ARHGEF17: variants seen among roughly 807,000 people sequenced by gnomAD.
ARHGEF17 encodes 164 kDa Rho-specific guanine-nucleotide exchange factor.
A neutral mutation model predicts 174.0 loss-of-function variants in ARHGEF17; 80 were observed. The ratio of observed to expected loss-of-function variants is 0.46; its 90% CI spans 0.38 to 0.55. The LOEUF (loss-of-function observed/expected upper bound fraction) is 0.55, where lower values mean the gene tolerates loss of function less well. ARHGEF17 is among the 20% of genes least tolerant of loss of function. The pLI, the probability that ARHGEF17 is intolerant of heterozygous loss-of-function variation, is 0.00. For missense variants in ARHGEF17, 2,886 were observed against 2,839.7 expected (o/e 1.02, Z -0.37); for synonymous variants, 1,311 against 1,189.1 (o/e 1.10, Z -2.11).
chr11:73,329,356 TATATATATATATATA>T (rs1404742970), intron 1 of ARHGEF17, among the ~76,000 whole-genome samples: 1,068 of 37,180 alleles, frequency 0.029, 242 homozygotes, highest in East Asian at 0.039. Flanking sequence ...TATATATATA[TATATATATATATATA>T]TATTTTTTTT....
rs758894903 is a variant in ARHGEF17, at chr11:73,365,649, C to T, written c.5726-29C>T. 18 of 1,608,632 alleles carry T rather than the reference C, an allele frequency of 1.1e-5. No individual in the cohort carries two copies. The East Asian group carries it at 1.8e-4, about 16-fold the overall frequency. ...CGGCTGAGCCAGGGCCAGAATTCAGCCCCAGCTGTGGTCTGTCTCCCACCC... is the reference window on the plus strand; with the variant it reads ...CGGCTGAGCCAGGGCCAGAATTCAGTCCCAGCTGTGGTCTGTCTCCCACCC... On this transcript the variant is annotated intron_variant, in intron 19 of 20. Coordinates refer to ENST00000263674, the MANE Select transcript of ARHGEF17 (RefSeq NM_014786.4). This position sits in a 1 kb window ranked among gnomAD's most constrained non-coding sequence, Gnocchi z 4.9.
At chr11:73,345,712 T>C (rs1005961899) in intron 1 of ARHGEF17, among the ~76,000 whole-genome samples, 1 of 152,032 alleles carries the variant, frequency 6.6e-6, no homozygotes, top group African/African-American at 2.4e-5. Context: ...CAGTAAGCCT[T>C]GATGGCAGGA....
Position 73,362,136 on chromosome 11 carries a change from C to T in ARHGEF17, c.4591C>T (p.Leu1531=). 8.1e-6 allele frequency: 13 copies of T among 1,611,124 alleles called. No homozygotes were observed. The highest frequency in any genetic ancestry group is 1.1e-5 in the Non-Finnish European group (13 of 1,179,550). ...SDGYVGQVCL[L]SLRAEPDVEA... ...CGGCTACGTGGGCCAGGTGTGCCTG[C>T]TGAGCCTGCGCGCCGAGCCGGACGT... The change falls in exon 13 of 21, where the codon CTG becomes TTG. Residue 1531 remains leucine (L), a synonymous_variant. Coordinates refer to ENST00000263674, the MANE Select transcript of ARHGEF17 (RefSeq NM_014786.4).
intron 15 of ARHGEF17, 48 bp downstream of exon 15, chr11:73,363,503 C>G: frequency 1.3e-6 from 2 of 1,574,168 alleles, no homozygotes; most frequent in Non-Finnish European, 1.7e-6. Flanking sequence ...ACTCTGAGCT[C>G]CCTGCTCTGG....
chr11:73,310,805 A>G lies in ARHGEF17; in HGVS notation c.2167A>G (p.Ser723Gly). ...PPSGSGGSEL[S>G]NGEAGEAYRS... Reference sequence around the variant, plus strand: ...TTCAGGTTCTGGTGGGAGCGAATTGAGCAATGGGGAGGCAGGGGAGGCCTA... The same window carrying G: ...TTCAGGTTCTGGTGGGAGCGAATTGGGCAATGGGGAGGCAGGGGAGGCCTA... Residue 723 changes from serine (S) to glycine (G), a missense_variant, in exon 1 of 21, where the codon AGC becomes GGC. This residue lies in a region of ARHGEF17 where 1,728 missense variants were observed against 1,461.2 expected (regional missense o/e 1.18). Coordinates refer to ENST00000263674, the MANE Select transcript of ARHGEF17 (RefSeq NM_014786.4). The G allele has an allele frequency of 6.2e-7, 1 of 1,612,152 alleles. No homozygotes were observed. The highest frequency in any genetic ancestry group is 8.5e-7 in the Non-Finnish European group (1 of 1,179,684).
chr11:73,321,307 T>C (rs1865014016), intron 1 of ARHGEF17, among the ~76,000 whole-genome samples: 1 of 152,202 alleles, frequency 6.6e-6, no homozygotes, highest in African/African-American at 2.4e-5. Flanking sequence ...CCCTGTGACA[T>C]GTCCAGGATA....
intron 1 of ARHGEF17, among the ~76,000 whole-genome samples, chr11:73,321,624 T>TCCAG (rs1221587840): frequency 6.6e-6 from 1 of 152,226 alleles, no homozygotes; most frequent in Non-Finnish European, 1.5e-5. Flanking sequence ...GGGCGCTGGC[T>TCCAG]CCAGACAGCT....
At chr11:73,329,587 A>G (rs1330116790) in intron 1 of ARHGEF17, among the ~76,000 whole-genome samples, 2 of 151,008 alleles carry the variant, frequency 1.3e-5, no homozygotes, top group Non-Finnish European at 2.9e-5. Context: ...TTTAGTAGAG[A>G]TGGGAGTTCA....
intron 1 of ARHGEF17, among the ~76,000 whole-genome samples, chr11:73,339,676 C>T (rs1591741535): frequency 6.6e-6 from 1 of 152,110 alleles, no homozygotes; most frequent in African/African-American, 2.4e-5. Flanking sequence ...GCAGATTGGG[C>T]AGAAGTAGGG....
In ARHGEF17 at chr11:73,311,566, T is replaced by C. The variant is rs1195851704; in HGVS notation, c.2928T>C (p.Thr976=). The C allele has an allele frequency of 1.9e-6, 3 of 1,613,628 alleles. No individual in the cohort carries two copies. Among genetic ancestry groups the C allele is most frequent in the Middle Eastern group, 1.6e-4 (1 of 6,062 alleles). Residue 976 remains threonine (T), a synonymous_variant, in exon 1 of 21, where the codon ACT becomes ACC. Coordinates refer to ENST00000263674, the MANE Select transcript of ARHGEF17 (RefSeq NM_014786.4). ...CTATTGTGGTGCCTGAGCCACCAAC[T>C]TCTGTTGGTCCCCCTGTGGCTGTGC... ...FMPIVVPEPP[T]SVGPPVAVPE...
chr11:73,338,339 G>A (rs939766632), intron 1 of ARHGEF17, among the ~76,000 whole-genome samples: 1 of 152,208 alleles, frequency 6.6e-6, no homozygotes, highest in African/African-American at 2.4e-5. Context: ...TCCAGGGCCT[G>A]CCTTCTTAAT....
At chr11:73,314,446 A>G (rs867629023) in intron 1 of ARHGEF17, among the ~76,000 whole-genome samples, 5 of 152,020 alleles carry the variant, frequency 3.3e-5, no homozygotes, top group Middle Eastern at 3.4e-3. Context: ...TCAGCCTTTG[A>G]CTCACTCAGA....
rs1865631687 is a variant in ARHGEF17, at chr11:73,356,023, C to T, written c.3663+70C>T. On this transcript the variant is annotated intron_variant, in intron 5 of 20. Coordinates refer to ENST00000263674, the MANE Select transcript of ARHGEF17 (RefSeq NM_014786.4). The stretch of plus-strand genomic sequence containing the variant: ...TGGGGGGATACAAGGAGGTCTAAGG[C>T]CCCTGCCTCGTTGAGCCTGACATCA... 4 of 1,595,696 alleles carry T rather than the reference C, an allele frequency of 2.5e-6. No homozygotes were observed. In the Admixed American group the frequency reaches 5.0e-5, roughly 20 times the overall value.
Position 73,308,530 on chromosome 11 carries a change from C to T in ARHGEF17, c.-109C>T. On this transcript the variant is annotated 5_prime_UTR_variant, in exon 1 of 21. Coordinates refer to ENST00000263674, the MANE Select transcript of ARHGEF17 (RefSeq NM_014786.4). ...GGTCTCTGCGTCCTCTTCCCACACT[C>T]CCGTGCGCTGCTTTCGGCGTGGGCC... 1.0e-6 allele frequency: 1 copy of T among 1,004,844 alleles called. No individual in the cohort carries two copies. The highest frequency in any genetic ancestry group is 1.3e-6 in the Non-Finnish European group (1 of 745,784). 62.2% of individuals were successfully genotyped at this position (1,004,844 alleles called of 1,614,324 possible). A position where few individuals can be genotyped will look rare whatever the true frequency, so the allele number is the denominator to read the frequency against.
intron 1 of ARHGEF17, among the ~76,000 whole-genome samples, chr11:73,322,823 T>G (rs933149070): frequency 2.0e-5 from 3 of 151,914 alleles, no homozygotes; most frequent in African/African-American, 7.3e-5. Flanking sequence ...CATCACAGTA[T>G]CCTCTGGTTG....
Position 73,356,306 on chromosome 11 carries a change from C to T in ARHGEF17, c.3795C>T (p.Ala1265=), listed in dbSNP as rs749225727. The T allele has an allele frequency of 4.3e-6, 7 of 1,613,016 alleles. No homozygotes were observed. In the African/African-American group the frequency reaches 8.0e-5, roughly 18 times the overall value. Reference sequence around the variant, plus strand: ...GTGCCGAGGAGGCGGAGCGCCATGCCCGTGTGCTGCAGGAGATAGAGGCTC... The same window carrying T: ...GTGCCGAGGAGGCGGAGCGCCATGCTCGTGTGCTGCAGGAGATAGAGGCTC... ...VRSAEEAERH[A]RVLQEIEAHI... The change falls in exon 6 of 21, where the codon GCC becomes GCT. Residue 1265 remains alanine (A), a synonymous_variant. Transcript: ENST00000263674.
At chr11:73,329,536 A>G (rs939403544) in intron 1 of ARHGEF17, among the ~76,000 whole-genome samples, 1 of 149,698 alleles carries the variant, frequency 6.7e-6, no homozygotes, top group Admixed American at 6.6e-5. Context: ...AGTAGCTTGG[A>G]TTACAGGTAT....
chr11:73,328,791 G>A (rs545079457), intron 1 of ARHGEF17, among the ~76,000 whole-genome samples: 1 of 152,306 alleles, frequency 6.6e-6, no homozygotes, highest in African/African-American at 2.4e-5. Flanking sequence ...CACAGGTGGT[G>A]CCCCAGCTAT....
At chr11:73,356,051 G>T in intron 5 of ARHGEF17, 98 bp downstream of exon 5, 2 of 1,570,408 alleles carry the variant, frequency 1.3e-6, no homozygotes, top group Non-Finnish European at 8.7e-7. Flanking sequence ...TGACATCAGG[G>T]TCCCTAGGGG....
Sources: gnomAD v4.1 joint callset for allele counts (sites outside exome capture counted in the v4.1 genomes callset) on GRCh38, gnomAD v4.1.1 for gene constraint, gnomAD v4.1.1 regional missense constraint, Gnocchi (gnomAD v3.1) non-coding constraint, MANE v1.5 for transcripts, NCBI Gene and HGNC (gene_info 2026-07-23, HGNC 2026-07-21) for gene names.